Variants in NRG3 observed in about 807,000 individuals in gnomAD.
NRG3 encodes the protein pro-neuregulin-3, membrane-bound isoform.
Under a neutral mutation model 66.9 loss-of-function variants are expected in NRG3, and 31 were observed. The ratio of observed to expected loss-of-function variants is 0.46; its 90% CI spans 0.35 to 0.63. The LOEUF is 0.63. Ranked by LOEUF, NRG3 falls within the 20% of genes least tolerant of loss-of-function variation. NRG3 has a pLI of 0.00. For missense variants in NRG3, 910 were observed against 878.9 expected (o/e 1.04, Z -0.45); for synonymous variants, 393 against 359.4 (o/e 1.09, Z -1.06).
At chr10:82,384,076 A>T (rs966312862) in intron 2 of NRG3, among the ~76,000 whole-genome samples, 1 of 152,098 alleles carries the variant, frequency 6.6e-6, no homozygotes, top group Non-Finnish European at 1.5e-5. Context: ...TAATTTTATC[A>T]CTTTTTAAAC....
At chr10:82,693,856 G>C (rs1335623) in intron 2 of NRG3, among the ~76,000 whole-genome samples, 86,853 of 152,140 alleles carry the variant, frequency 0.57, 27,393 homozygotes, top group East Asian at 0.74. Flanking sequence ...AAGAGTGAAA[G>C]AACAAAGCTC....
intron 2 of NRG3, among the ~76,000 whole-genome samples, chr10:82,499,954 T>C (rs1272518745): frequency 6.6e-6 from 1 of 152,156 alleles, no homozygotes; most frequent in East Asian, 1.9e-4. Flanking sequence ...AACTCTCTGA[T>C]TTCAAGTAGC....
rs142479518 is a variant in NRG3, at chr10:81,935,455, A to G, written c.823+59292A>G. Among the ~76,000 whole-genome samples the G allele has an allele frequency of 2.6e-5, 4 of 152,264 alleles. No homozygotes were observed. The East Asian group carries it at 7.7e-4, about 29-fold the overall frequency. ...GATGAAAGGTAAGTAAGGAAAAGAT[A>G]GGTTTTAGTAGCTGAGAAACTTTAG... On this transcript the variant is annotated intron_variant, in intron 1 of 8. Coordinates refer to ENST00000372141, the MANE Select transcript of NRG3 (RefSeq NM_001010848.4).
At chr10:81,902,945 T>A (rs1230929398) in intron 1 of NRG3, among the ~76,000 whole-genome samples, 1 of 152,162 alleles carries the variant, frequency 6.6e-6, no homozygotes, top group Non-Finnish European at 1.5e-5. Context: ...GTAAACAACA[T>A]CTCACTCAGT....
chr10:82,248,431 G>A lies in NRG3; in HGVS notation c.824-110308G>A, dbSNP rs541137478. 3.3e-5 allele frequency among the ~76,000 whole-genome samples: 5 copies of A among 152,176 alleles called. No homozygotes were observed. The South Asian group carries it at 6.2e-4, about 19-fold the overall frequency. On this transcript the variant is annotated intron_variant, in intron 1 of 8. Coordinates refer to ENST00000372141, the MANE Select transcript of NRG3 (RefSeq NM_001010848.4). ...ACCAAGATGTTGAACTGGCTCCTCCGTGAGAGAGCAGAGTGGAGAGGTGAA... is the reference window on the plus strand; with the variant it reads ...ACCAAGATGTTGAACTGGCTCCTCCATGAGAGAGCAGAGTGGAGAGGTGAA...
chr10:82,752,742 C>T (rs917457669), intron 3 of NRG3, among the ~76,000 whole-genome samples: 1 of 152,164 alleles, frequency 6.6e-6, no homozygotes, highest in Non-Finnish European at 1.5e-5. Context: ...TAAAGAGGCT[C>T]AAGAGCTGCC....
At chr10:81,953,125 C>G (rs1253692864) in intron 1 of NRG3, among the ~76,000 whole-genome samples, 3 of 152,128 alleles carry the variant, frequency 2.0e-5, no homozygotes, top group African/African-American at 7.2e-5. Flanking sequence ...CAGGTCATTT[C>G]TCTCTAACAC....
chr10:81,875,819 C>G lies in NRG3; in HGVS notation c.479C>G (p.Thr160Ser). The G allele has an allele frequency of 6.2e-7, 1 of 1,609,352 alleles. No homozygotes were observed. Among genetic ancestry groups the G allele is most frequent in the Non-Finnish European group, 8.5e-7 (1 of 1,179,772 alleles). ...TPNRISTRLT[T>S]ITRAPTRFPG... The stretch of plus-strand genomic sequence containing the variant: ...AACCGGATTAGCACTCGCCTGACCA[C>G]CATCACGCGGGCGCCCACTCGCTTC... The change falls in exon 1 of 9, where the codon ACC (threonine) becomes AGC (serine). Residue 160 changes from threonine (T) to serine (S), a missense_variant. Physicochemically the swap from Thr to Ser is moderately conservative, Grantham distance 58 (BLOSUM62 1). Coordinates refer to ENST00000372141, the MANE Select transcript of NRG3 (RefSeq NM_001010848.4). The surrounding 1 kb of genome is among the most constrained non-coding windows in gnomAD (Gnocchi z 5.3).
intron 2 of NRG3, among the ~76,000 whole-genome samples, chr10:82,426,597 AATTATTATTATTATTATT>A (rs142603787): frequency 0.012 from 1,584 of 132,582 alleles, 14 homozygotes; most frequent in Non-Finnish European, 0.017. Flanking sequence ...TCCTCAATGG[AATTATTATTATTATTATT>A]ATTATTATTA....
At chr10:82,375,770 G>T (rs2135785510) in intron 2 of NRG3, among the ~76,000 whole-genome samples, 1 of 152,220 alleles carries the variant, frequency 6.6e-6, no homozygotes, top group African/African-American at 2.4e-5. Context: ...GAAATGGCGT[G>T]ATTGAACATA....
intron 2 of NRG3, among the ~76,000 whole-genome samples, chr10:82,579,475 G>C (rs970609461): frequency 6.6e-6 from 1 of 151,916 alleles, no homozygotes; most frequent in Non-Finnish European, 1.5e-5. Flanking sequence ...TCTCAAATAA[G>C]GGCTCAGTAA....
At chr10:82,100,688 C>T (rs1590111610) in intron 1 of NRG3, among the ~76,000 whole-genome samples, 1 of 152,104 alleles carries the variant, frequency 6.6e-6, no homozygotes, top group Admixed American at 6.6e-5. Flanking sequence ...AATATTAAGT[C>T]ATCTTTGTGT....
chr10:82,522,120 T>C (rs1846256322), intron 2 of NRG3, among the ~76,000 whole-genome samples: 1 of 147,692 alleles, frequency 6.8e-6, no homozygotes, highest in Admixed American at 6.9e-5. Flanking sequence ...CTCTGCTCAC[T>C]GCAACCTCCA....
At chr10:82,924,244 A>C (rs1185579416) in intron 4 of NRG3, among the ~76,000 whole-genome samples, 1 of 152,142 alleles carries the variant, frequency 6.6e-6, no homozygotes, top group Non-Finnish European at 1.5e-5. Context: ...GGAGTTTGTC[A>C]CTGAGACCTC....
intron 2 of NRG3, among the ~76,000 whole-genome samples, chr10:82,362,798 T>A (rs1386332936): frequency 6.6e-6 from 1 of 151,838 alleles, no homozygotes. Context: ...CAGAGGAAAA[T>A]GAGAGACTGA....
chr10:82,960,021 A>G (rs1007805658), intron 6 of NRG3, among the ~76,000 whole-genome samples: 1 of 152,222 alleles, frequency 6.6e-6, no homozygotes, highest in Non-Finnish European at 1.5e-5. Context: ...ATTTGAGTAT[A>G]ATAGGCAATC....
rs80013653 is a variant in NRG3, at chr10:82,208,524, A to G, written c.824-150215A>G. On this transcript the variant is annotated intron_variant, in intron 1 of 8. Coordinates refer to ENST00000372141, the MANE Select transcript of NRG3 (RefSeq NM_001010848.4). ...TCTTTGTCCTGTAGATGAGCAAGCA[A>G]AGAAGCATACAAAGAGCATCCTATA... Among the ~76,000 whole-genome samples, 1,321 of 152,222 alleles carry G rather than the reference A, an allele frequency of 8.7e-3. 24 individuals carry two copies. The highest frequency in any genetic ancestry group is 0.031 in the African/African-American group (1,268 of 41,524).
intron 1 of NRG3, among the ~76,000 whole-genome samples, chr10:82,239,540 T>C (rs747681301): frequency 2.0e-4 from 30 of 152,340 alleles, no homozygotes; most frequent in Non-Finnish European, 3.7e-4. Context: ...TGATATTTAT[T>C]GTTGTTTTAA....
At chr10:82,755,349 A>G (rs1372448977) in intron 3 of NRG3, among the ~76,000 whole-genome samples, 2 of 151,966 alleles carry the variant, frequency 1.3e-5, no homozygotes, top group Non-Finnish European at 2.9e-5. Context: ...TAATTTGTAC[A>G]CTCTTCTCAA....
Sources: gnomAD v4.1 joint callset for allele counts (sites outside exome capture counted in the v4.1 genomes callset) on GRCh38, gnomAD v4.1.1 for gene constraint, Gnocchi (gnomAD v3.1) non-coding constraint, MANE v1.5 for transcripts, NCBI Gene and HGNC (gene_info 2026-07-23, HGNC 2026-07-21) for gene names.